Variants in KRT8 observed in about 807,000 individuals in gnomAD.
KRT8 encodes the protein keratin 8.
Under a neutral mutation model 43.0 loss-of-function variants are expected in KRT8, and 24 were observed. The observed-to-expected ratio is 0.56, with a 90% CI of 0.40 to 0.78. KRT8 has a LOEUF of 0.78. Among genes scored for constraint, KRT8 ranks in the 30% least tolerant of loss-of-function variants. KRT8 has a pLI of 0.00. For synonymous variants in KRT8, 214 were observed against 261.2 expected, an observed-to-expected ratio of 0.82 and a Z score of 1.74; for missense variants, 492 against 638.4, an observed-to-expected ratio of 0.77 and a Z score of 2.47.
At chr12:52,948,875 C>A in intron 2 of KRT8, 1 of 423,508 alleles carries the variant, frequency 2.4e-6, no homozygotes, top group Non-Finnish European at 4.1e-6. Context: ...CTGAAAGCAG[C>A]CTCGAGGGCC....
At chr12:52,897,419 C>T (rs779087897) in exon 8 of KRT8, 30 of 1,598,146 alleles carry the variant, frequency 1.9e-5, no homozygotes, top group South Asian at 1.4e-4. Flanking sequence ...GAGGGGCTGC[C>T]GCAGCTGTTC....
At chr12:52,935,118 T>C (rs1474462347) in intron 2 of KRT8, among the ~76,000 whole-genome samples, 1 of 149,172 alleles carries the variant, frequency 6.7e-6, no homozygotes. Context: ...TGGTGGCTCA[T>C]GCCCGTAATC....
chr12:52,934,997 G>C (rs148048081), intron 2 of KRT8, among the ~76,000 whole-genome samples: 1 of 151,472 alleles, frequency 6.6e-6, no homozygotes, highest in Non-Finnish European at 1.5e-5. Context: ...TACATCTATG[G>C]AACATAATAG....
chr12:52,942,958 A>AG (rs1432135038), intron 2 of KRT8, among the ~76,000 whole-genome samples: 2 of 151,958 alleles, frequency 1.3e-5, no homozygotes, highest in Non-Finnish European at 2.9e-5. Context: ...GCCACCTACT[A>AG]GGATATCACT....
chr12:52,922,634 C>A (rs1321598986), intron 2 of KRT8, among the ~76,000 whole-genome samples: 1 of 152,208 alleles, frequency 6.6e-6, no homozygotes, highest in Non-Finnish European at 1.5e-5. Context: ...ATTTGTGTCA[C>A]TGCACTCCAG....
intron 2 of KRT8, 98 bp from the exon 3 acceptor site, chr12:52,901,317 A>G: frequency 2.3e-6 from 2 of 874,952 alleles, no homozygotes; most frequent in Non-Finnish European, 3.9e-6. Context: ...AGGAAAATTC[A>G]GTTCACAGAG....
chr12:52,927,979 A>G (rs140564483), intron 2 of KRT8, among the ~76,000 whole-genome samples: 116 of 152,326 alleles, frequency 7.6e-4, no homozygotes, highest in Non-Finnish European at 1.1e-3. Context: ...ATCGCTTGAG[A>G]GGCGGGAGGC....
intron 2 of KRT8, among the ~76,000 whole-genome samples, chr12:52,924,677 A>G (rs1196974098): frequency 6.6e-6 from 1 of 152,208 alleles, no homozygotes; most frequent in African/African-American, 2.4e-5. Flanking sequence ...TAATTTGTAA[A>G]GATAATTGCT....
chr12:52,938,542 C>T (rs1249143859), intron 2 of KRT8, among the ~76,000 whole-genome samples: 1 of 151,558 alleles, frequency 6.6e-6, no homozygotes, highest in Non-Finnish European at 1.5e-5. Flanking sequence ...TTTGGGGGGC[C>T]GAGGCAGAAG....
intron 2 of KRT8, among the ~76,000 whole-genome samples, chr12:52,942,188 G>A (rs140815380): frequency 1.2e-3 from 177 of 152,264 alleles, no homozygotes; most frequent in African/African-American, 4.1e-3. Context: ...TCCAGGAGGA[G>A]GAGGCACACT....
At chr12:52,900,671 C>T (rs1205453137) in exon 4 of KRT8, 1 of 1,612,254 alleles carries the variant, frequency 6.2e-7, no homozygotes, top group Non-Finnish European at 8.5e-7. Flanking sequence ...TTCATGTAAG[C>T]TTCATCCACA....
At chr12:52,931,585 T>C in intron 2 of KRT8, among the ~76,000 whole-genome samples, 1 of 152,112 alleles carries the variant, frequency 6.6e-6, no homozygotes, top group East Asian at 1.9e-4. Context: ...AAGGCTCTTC[T>C]TGACCTGGTC....
intron 2 of KRT8, among the ~76,000 whole-genome samples, chr12:52,945,127 C>T (rs1942324273): frequency 6.6e-6 from 1 of 152,204 alleles, no homozygotes; most frequent in Non-Finnish European, 1.5e-5. Flanking sequence ...ATTCCCATTC[C>T]ACCCCAGATT....
At chr12:52,906,850 G>C (rs1291378677), upstream of KRT8, 1 of 446,588 alleles carries the variant, frequency 2.2e-6, no homozygotes, top group Non-Finnish European at 4.5e-6. Context: ...CTCTAGGAGA[G>C]ACACCCAGGC....
At chr12:52,929,041 A>T (rs533600432) in intron 2 of KRT8, among the ~76,000 whole-genome samples, 5 of 152,186 alleles carry the variant, frequency 3.3e-5, no homozygotes, top group African/African-American at 9.6e-5. Context: ...CTCCTCCTAC[A>T]TCCCCAACCC....
intron 1 of KRT8, among the ~76,000 whole-genome samples, chr12:52,903,931 C>T (rs1330150173): frequency 6.8e-6 from 1 of 146,918 alleles, no homozygotes; most frequent in Admixed American, 6.8e-5. Flanking sequence ...GAGAGCGTCC[C>T]GAGACTGCTG....
chr12:52,922,493 C>T (rs1031129733), intron 2 of KRT8, among the ~76,000 whole-genome samples: 1 of 152,114 alleles, frequency 6.6e-6, no homozygotes, highest in Non-Finnish European at 1.5e-5. Flanking sequence ...GCCAACATGG[C>T]GAAACCCCGT....
chr12:52,899,148 A>G (rs1014008278), intron 5 of KRT8, among the ~76,000 whole-genome samples: 8 of 152,172 alleles, frequency 5.3e-5, no homozygotes, highest in Non-Finnish European at 8.8e-5. Flanking sequence ...CCCCGTCTCT[A>G]GTAAAAATAC....
upstream of KRT8, among the ~76,000 whole-genome samples, chr12:52,911,324 C>T (rs998516091): frequency 6.6e-6 from 1 of 151,524 alleles, no homozygotes; most frequent in South Asian, 2.1e-4. Flanking sequence ...TGCACTCCAG[C>T]CTGGGTGACA....
Sources: gnomAD v4.1 joint callset for allele counts (sites outside exome capture counted in the v4.1 genomes callset) on GRCh38, gnomAD v4.1.1 for gene constraint, MANE v1.5 for transcripts, NCBI Gene and HGNC (gene_info 2026-07-23, HGNC 2026-07-21) for gene names.